The following ANKFN1 variants were observed in gnomAD, a reference collection of about 807,000 sequenced individuals.
The protein encoded by ANKFN1 is ankyrin repeat and fibronectin type-III domain-containing protein 1.
Under a neutral mutation model 108.7 loss-of-function variants are expected in ANKFN1, and 74 were observed. The ratio of observed to expected loss-of-function variants is 0.68; its 90% CI spans 0.56 to 0.83. The LOEUF is 0.83. ANKFN1 is among the 40% of genes least tolerant of loss of function. The probability of loss-of-function intolerance (pLI) is 0.00; values close to 1 mark genes in which losing one functional copy is unlikely to be tolerated. For synonymous variants in ANKFN1, 547 were observed against 516.2 expected (o/e 1.06, Z -0.81); for missense variants, 1,505 against 1,382.3 (o/e 1.09, Z -1.41).
chr17:56,360,565 G>C (rs2046490041), intron 6 of ANKFN1, among the ~76,000 whole-genome samples: 1 of 152,046 alleles, frequency 6.6e-6, no homozygotes, highest in Non-Finnish European at 1.5e-5. Context: ...ATTTATTACT[G>C]AGTCCCCAGC....
At chr17:56,391,750 A>G (rs2047444660) in intron 8 of ANKFN1, among the ~76,000 whole-genome samples, 1 of 152,092 alleles carries the variant, frequency 6.6e-6, no homozygotes, top group African/African-American at 2.4e-5. Context: ...TTTAAGAGCT[A>G]CTAAGTGATG....
intron 4 of ANKFN1, among the ~76,000 whole-genome samples, chr17:56,063,203 T>A (rs1368660441): frequency 6.6e-6 from 1 of 152,158 alleles, no homozygotes; most frequent in African/African-American, 2.4e-5. Context: ...ATTTCAACCT[T>A]AGAGAATCCG....
At chr17:56,208,329 A>G (rs1023081931) in intron 1 of ANKFN1, among the ~76,000 whole-genome samples, 1 of 152,192 alleles carries the variant, frequency 6.6e-6, no homozygotes, top group Non-Finnish European at 1.5e-5. Context: ...CCGTTAGACA[A>G]GGTTTCTCAA....
chr17:56,175,986 C>G (rs1272208511), intron 1 of ANKFN1, among the ~76,000 whole-genome samples: 1 of 150,820 alleles, frequency 6.6e-6, no homozygotes, highest in African/African-American at 2.4e-5. Context: ...GAGAGAGAGA[C>G]AAAAAAATAC....
At chr17:56,374,107 CCTGA>C (rs1286718092) in intron 7 of ANKFN1, among the ~76,000 whole-genome samples, 1 of 152,182 alleles carries the variant, frequency 6.6e-6, no homozygotes, top group African/African-American at 2.4e-5. Flanking sequence ...GGGCTTTCAT[CCTGA>C]CTGTTTGTCT....
intron 4 of ANKFN1, among the ~76,000 whole-genome samples, chr17:56,058,980 T>A (rs1904926985): frequency 6.6e-6 from 1 of 152,242 alleles, no homozygotes; most frequent in Non-Finnish European, 1.5e-5. Context: ...AAATGGTATT[T>A]CTGGTTCTAG....
intron 4 of ANKFN1, among the ~76,000 whole-genome samples, chr17:56,334,701 C>T (rs572676223): frequency 6.6e-6 from 1 of 152,026 alleles, no homozygotes; most frequent in African/African-American, 2.4e-5. Flanking sequence ...CAAGGTCATA[C>T]AGTTAATAAG....
intron 4 of ANKFN1, among the ~76,000 whole-genome samples, chr17:56,330,598 G>A (rs2045636788): frequency 1.3e-5 from 2 of 152,040 alleles, no homozygotes; most frequent in Non-Finnish European, 2.9e-5. Flanking sequence ...GAACAGGTAG[G>A]GTAACCAGCT....
chr17:56,055,632 C>T (rs142249966), intron 4 of ANKFN1, among the ~76,000 whole-genome samples: 22 of 125,376 alleles, frequency 1.8e-4, no homozygotes, highest in African/African-American at 4.9e-4. Context: ...CTGATGGAGA[C>T]GTACTCAGGT....
In ANKFN1 at chr17:56,202,735, C is replaced by T. The variant is rs540202114; in HGVS notation, c.-70-9863C>T. ...TTTGTATAGGGATTTGTAGATTGTC[C>T]TTTATAATAGGGGGTAGATACCATG... is the stretch of plus-strand genomic sequence containing the variant. On this transcript the variant is annotated intron_variant, in intron 1 of 20. Transcript: ENST00000682825. Among the ~76,000 whole-genome samples, 5 of 152,052 alleles carry T rather than the reference C, an allele frequency of 3.3e-5. No individual in the cohort carries two copies. In the East Asian group the frequency reaches 9.7e-4, roughly 29 times the overall value.
intron 8 of ANKFN1, among the ~76,000 whole-genome samples, chr17:56,403,811 G>T (rs896756513): frequency 1.3e-5 from 2 of 152,024 alleles, no homozygotes; most frequent in African/African-American, 4.8e-5. Context: ...TCCAGGATTT[G>T]TTTCAAGGTT....
chr17:56,118,709 TAAG>T (rs1210585947), intron 4 of ANKFN1, among the ~76,000 whole-genome samples: 1 of 152,118 alleles, frequency 6.6e-6, no homozygotes, highest in Non-Finnish European at 1.5e-5. Context: ...AGTGAGATAT[TAAG>T]AAGCGAACAT....
intron 3 of ANKFN1, among the ~76,000 whole-genome samples, chr17:56,252,712 GAAATACTTACAGTATAATAAGATAA>G (rs1405387447): frequency 2.7e-4 from 38 of 139,046 alleles, no homozygotes; most frequent in African/African-American, 9.8e-4. Flanking sequence ...TAAGATAATT[GAAATACTTACAGTATAATAAGATAA>G]AAATACTTAC....
intron 8 of ANKFN1, among the ~76,000 whole-genome samples, chr17:56,377,114 A>G (rs1197737164): frequency 1.3e-5 from 2 of 152,212 alleles, no homozygotes; most frequent in Non-Finnish European, 2.9e-5. Context: ...GGGTTTGGCA[A>G]AAACATCTCA....
chr17:56,075,065 T>A (rs1156859), intron 4 of ANKFN1, among the ~76,000 whole-genome samples: 84,587 of 152,050 alleles, frequency 0.56, 24,975 homozygotes, highest in Non-Finnish European at 0.68. Context: ...TCAAGGTCAT[T>A]AAGCTAGCAG....
intron 4 of ANKFN1, among the ~76,000 whole-genome samples, chr17:56,053,300 A>G (rs1904809972): frequency 6.6e-6 from 1 of 152,060 alleles, no homozygotes; most frequent in Non-Finnish European, 1.5e-5. Context: ...ACCCCACCTC[A>G]CTACCCTTCC....
At chr17:56,419,965 A>G (rs1598575334) in intron 8 of ANKFN1, among the ~76,000 whole-genome samples, 1 of 152,170 alleles carries the variant, frequency 6.6e-6, no homozygotes, top group East Asian at 1.9e-4. Flanking sequence ...TCTTTTAATA[A>G]CCTGGTTCCC....
intron 8 of ANKFN1, among the ~76,000 whole-genome samples, chr17:56,401,771 G>T (rs1418671074): frequency 1.3e-5 from 2 of 152,050 alleles, no homozygotes; most frequent in Admixed American, 6.6e-5. Flanking sequence ...TTCTGTTCCA[G>T]TTCTCAGAGG....
At chr17:56,357,267 C>A (rs1302989373) in intron 6 of ANKFN1, among the ~76,000 whole-genome samples, 8 of 152,222 alleles carry the variant, frequency 5.3e-5, no homozygotes, top group African/African-American at 1.9e-4. Context: ...GAAGTCTCCA[C>A]ATACAACATC....
Sources: gnomAD v4.1 joint callset for allele counts (sites outside exome capture counted in the v4.1 genomes callset) on GRCh38, gnomAD v4.1.1 for gene constraint, MANE v1.5 for transcripts, NCBI Gene and HGNC (gene_info 2026-07-23, HGNC 2026-07-21) for gene names.